SYN3: variants seen among roughly 807,000 people sequenced by gnomAD.
The protein encoded by SYN3 is synapsin-3.
In SYN3, 35 loss-of-function variants were observed where a neutral mutation model predicts 65.8. The ratio of observed to expected loss-of-function variants is 0.53; its 90% CI spans 0.41 to 0.70. SYN3 has a LOEUF of 0.70. SYN3 is among the 30% of genes least tolerant of loss of function. SYN3 has a pLI of 0.00. For missense variants in SYN3, 680 were observed against 749.0 expected, an observed-to-expected ratio of 0.91 and a Z score of 1.08; for synonymous variants, 270 against 292.9, an observed-to-expected ratio of 0.92 and a Z score of 0.80.
chr22:32,593,853 G>C (rs1174944132), intron 7 of SYN3, among the ~76,000 whole-genome samples: 6 of 152,106 alleles, frequency 3.9e-5, no homozygotes, highest in African/African-American at 1.4e-4. Context: ...GCCACGGTTA[G>C]GGATGATGCA....
chr22:32,936,089 C>G (rs994634133), intron 3 of SYN3, among the ~76,000 whole-genome samples: 5 of 152,140 alleles, frequency 3.3e-5, no homozygotes, highest in African/African-American at 1.2e-4. Context: ...TGAAAAAGAA[C>G]AACTCCTTCA....
intron 6 of SYN3, among the ~76,000 whole-genome samples, chr22:32,842,771 A>C (rs545371558): frequency 6.6e-6 from 1 of 152,272 alleles, no homozygotes; most frequent in East Asian, 1.9e-4. Context: ...GGGGAGCACA[A>C]AGGTCTAAAC....
chr22:32,762,690 C>CAG (rs971001349), intron 6 of SYN3, among the ~76,000 whole-genome samples: 13 of 152,196 alleles, frequency 8.5e-5, no homozygotes, highest in Admixed American at 1.3e-4. Context: ...TGCTGATGGA[C>CAG]AGAGCGAGGT....
At chr22:32,766,072 T>G (rs975019196) in intron 6 of SYN3, among the ~76,000 whole-genome samples, 4 of 152,172 alleles carry the variant, frequency 2.6e-5, no homozygotes, top group Non-Finnish European at 5.9e-5. Flanking sequence ...AAAAACCAGG[T>G]AGCTTGCACC....
chr22:32,649,425 C>T (rs8136076), intron 6 of SYN3, among the ~76,000 whole-genome samples: 10,695 of 152,158 alleles, frequency 0.07, 465 homozygotes, highest in Non-Finnish European at 0.1. Context: ...CAGGCATTTT[C>T]GTATAGTCTA....
intron 7 of SYN3, among the ~76,000 whole-genome samples, chr22:32,583,631 T>C: frequency 6.6e-6 from 1 of 152,214 alleles, no homozygotes. Flanking sequence ...ATCTCATCTG[T>C]AAAATGAGTA....
At chr22:32,988,274 T>C (rs1182402343) in intron 2 of SYN3, among the ~76,000 whole-genome samples, 1 of 150,414 alleles carries the variant, frequency 6.6e-6, no homozygotes, top group Non-Finnish European at 1.5e-5. Flanking sequence ...GCCACTGCAC[T>C]CCAGTCTGGC....
chr22:32,772,541 CT>C (rs752084117), intron 6 of SYN3, among the ~76,000 whole-genome samples: 3 of 152,144 alleles, frequency 2.0e-5, no homozygotes, highest in Non-Finnish European at 4.4e-5. Flanking sequence ...ATCCTCACCC[CT>C]AAAGCCCATA....
In SYN3 at chr22:32,912,901, G is replaced by A. The variant is rs559635183; in HGVS notation, c.461+18489C>T. Among the ~76,000 whole-genome samples the A allele has an allele frequency of 9.9e-5, 15 of 152,170 alleles. 1 individual carries two copies. The South Asian group carries it at 2.3e-3, about 23-fold the overall frequency. On this transcript the variant is annotated intron_variant, in intron 4 of 13. Transcript: ENST00000358763. ...TTAGGGGAGAGAAATTATTCTATAC[G>A]ATACCGCAATGGTAGATACATGTCA...
At chr22:32,967,389 G>T (rs1426410929) in intron 3 of SYN3, among the ~76,000 whole-genome samples, 1 of 152,156 alleles carries the variant, frequency 6.6e-6, no homozygotes, top group African/African-American at 2.4e-5. Context: ...ACATAAACTC[G>T]TTCTCTGCTA....
chr22:32,611,241 T>C (rs190710582), intron 6 of SYN3, among the ~76,000 whole-genome samples: 2 of 151,690 alleles, frequency 1.3e-5, no homozygotes, highest in East Asian at 3.9e-4. Context: ...GTTGTATCTT[T>C]GGCCATTTGA....
intron 6 of SYN3, among the ~76,000 whole-genome samples, chr22:32,812,194 C>T (rs1011709628): frequency 8.5e-5 from 13 of 152,150 alleles, no homozygotes; most frequent in African/African-American, 3.1e-4. Context: ...CTCTAAGTTC[C>T]CTTGGAAAGG....
intron 1 of SYN3, among the ~76,000 whole-genome samples, chr22:33,056,565 TGGGA>T (rs1484551922): frequency 6.6e-6 from 1 of 152,238 alleles, no homozygotes; most frequent in Non-Finnish European, 1.5e-5. Context: ...CTTTGTCTCA[TGGGA>T]GGGATTGAGA....
chr22:32,809,369 T>C (rs1601410873), intron 6 of SYN3, among the ~76,000 whole-genome samples: 1 of 152,368 alleles, frequency 6.6e-6, no homozygotes, highest in East Asian at 1.9e-4. Context: ...CCCGTCAGTC[T>C]GCTTATCTTT....
chr22:33,035,481 C>T (rs143772412), intron 1 of SYN3, among the ~76,000 whole-genome samples: 16 of 152,300 alleles, frequency 1.1e-4, no homozygotes, highest in Non-Finnish European at 2.1e-4. Context: ...CAGGCATCTG[C>T]AAAGGACTGC....
At chr22:32,831,857 A>G (rs1490234201) in intron 6 of SYN3, among the ~76,000 whole-genome samples, 2 of 151,898 alleles carry the variant, frequency 1.3e-5, no homozygotes, top group Admixed American at 1.3e-4. Context: ...ACCCCCCCCA[A>G]CCTCCACCAA....
chr22:32,754,905 C>A (rs548603705), intron 6 of SYN3, among the ~76,000 whole-genome samples: 1 of 152,226 alleles, frequency 6.6e-6, no homozygotes, highest in South Asian at 2.1e-4. Context: ...TCACTCTTCT[C>A]TCCATGGGCC....
At chr22:32,902,242 A>G (rs980230492) in intron 4 of SYN3, among the ~76,000 whole-genome samples, 4 of 152,248 alleles carry the variant, frequency 2.6e-5, no homozygotes, top group African/African-American at 9.6e-5. Flanking sequence ...AATAATTTGA[A>G]ACAATATGAT....
rs189083512 is a variant in SYN3 at position 32,909,942 on chromosome 22, C to T, written c.461+21448G>A. Among the ~76,000 whole-genome samples the T allele has an allele frequency of 9.2e-5, 14 of 152,126 alleles. No homozygotes were observed. The East Asian group carries it at 1.2e-3, about 13-fold the overall frequency. ...CAGACGCACATACAAGCGGTGTGCT[C>T]GGAGACTGCGAGAAGGCGCGTTGGA... is the stretch of plus-strand genomic sequence containing the variant. On this transcript the variant is annotated intron_variant, in intron 4 of 13. Coordinates refer to ENST00000358763, the MANE Select transcript of SYN3 (RefSeq NM_003490.4).
Sources: allele counts gnomAD v4.1 joint callset (sites outside exome capture counted in the v4.1 genomes callset), GRCh38; gene constraint gnomAD v4.1.1; transcripts MANE v1.5; gene names NCBI Gene and HGNC (gene_info 2026-07-23, HGNC 2026-07-21).